The following ABCC3 variants were observed in gnomAD, a reference collection of about 807,000 sequenced individuals.
ABCC3 encodes the protein ATP binding cassette subfamily C member 3.
A neutral mutation model predicts 165.3 loss-of-function variants in ABCC3; 121 were observed. The observed-to-expected ratio is 0.73, with a 90% CI of 0.63 to 0.85. The LOEUF (loss-of-function observed/expected upper bound fraction) is 0.85. Ranked by LOEUF, ABCC3 falls within the 40% of genes least tolerant of loss-of-function variation. The pLI, the probability that ABCC3 is intolerant of heterozygous loss-of-function variation, is 0.00. For synonymous variants in ABCC3, 733 were observed against 810.1 expected, an observed-to-expected ratio of 0.90 and a Z score of 1.62; for missense variants, 1,869 against 1,964.1, an observed-to-expected ratio of 0.95 and a Z score of 0.92.
At chr17:50,690,989 C>A in intron 30 of ABCC3, 103 bp from the exon 31 acceptor site, 1 of 824,380 alleles carries the variant, frequency 1.2e-6, no homozygotes, top group Non-Finnish European at 2.0e-6. Context: ...GGTGGGTTGG[C>A]ATGTCACTGT....
intron 22 of ABCC3, 61 bp from the exon 23 acceptor site, chr17:50,676,217 C>T (rs1967802634): frequency 6.3e-7 from 1 of 1,588,424 alleles, no homozygotes; most frequent in Admixed American, 1.7e-5. Flanking sequence ...GTCTCTGATT[C>T]TGCCCCTTTG....
intron 1 of ABCC3, chr17:50,635,808 A>G (rs2054174269): frequency 1.7e-6 from 1 of 572,104 alleles, no homozygotes. Context: ...ACTTCAGCCC[A>G]GGAGTTTTAG....
chr17:50,636,899 G>T (rs1402094215), intron 1 of ABCC3, among the ~76,000 whole-genome samples: 1 of 151,136 alleles, frequency 6.6e-6, no homozygotes, highest in Non-Finnish European at 1.5e-5. Flanking sequence ...TGGGGAAACT[G>T]AGGCCAAGGG....
rs1193468870 is a variant in ABCC3 at position 50,662,240 on chromosome 17, C to T, written c.998+1126C>T. The T allele has an allele frequency of 1.3e-5, 2 of 152,080 alleles. 1 individual carries two copies. The highest frequency in any genetic ancestry group is 6.8e-3 in the Middle Eastern group (2 of 296). The allele number at this position is 152,080 out of a possible 1,614,324, so 9.4% of individuals were successfully genotyped here. A position where few individuals can be genotyped will look rare whatever the true frequency, so the allele number is the denominator to read the frequency against. ...GCCAGAGAGACAGAGGAGTGCCAGG[C>T]AACCTGGGTGCTGGCCTGGGTAACT... On this transcript the variant is annotated intron_variant, in intron 8 of 30. Transcript: ENST00000285238.
intron 26 of ABCC3, 96 bp from the exon 27 acceptor site, chr17:50,683,514 T>G: frequency 3.0e-6 from 4 of 1,345,686 alleles, no homozygotes; most frequent in Non-Finnish European, 3.9e-6. Flanking sequence ...GGGACCATAG[T>G]TGGGGAGGAT....
chr17:50,664,165 G>A (rs181003060), intron 10 of ABCC3, 54 bp downstream of exon 10: 15 of 1,601,496 alleles, frequency 9.4e-6, no homozygotes, highest in African/African-American at 1.3e-5. Context: ...TGCAGAAGTG[G>A]CAAGAGAGGA....
chr17:50,636,658 G>A (rs2054183376), intron 1 of ABCC3, among the ~76,000 whole-genome samples: 1 of 152,232 alleles, frequency 6.6e-6, no homozygotes, highest in African/African-American at 2.4e-5. Context: ...GGGTAGTTGT[G>A]CCCAAGCTTC....
Position 50,684,890 on chromosome 17 carries a change from T to C in ABCC3, c.4280+15T>C. On this transcript the variant is annotated intron_variant, in intron 29 of 30. Coordinates refer to ENST00000285238, the MANE Select transcript of ABCC3 (RefSeq NM_003786.4). ...GAGAATCTCAGGTAAACACTGGGAG[T>C]GCAGAGGTCAGGAACTGCAACCCTC... is the stretch of plus-strand genomic sequence containing the variant. 1 of 1,612,086 alleles carries C rather than the reference T, an allele frequency of 6.2e-7. No homozygotes were observed. Among genetic ancestry groups the C allele is most frequent in the Non-Finnish European group, 8.5e-7 (1 of 1,179,162 alleles).
rs148890500 is a variant in ABCC3 at position 50,635,963 on chromosome 17, T to C, written c.45+982T>C. 152 of 196,758 alleles carry C rather than the reference T, an allele frequency of 7.7e-4. 1 individual carries two copies. Among genetic ancestry groups the C allele is most frequent in the African/African-American group, 3.1e-3 (135 of 43,564 alleles). The allele number at this position is 196,758 out of a possible 1,614,324, so 12.2% of individuals were successfully genotyped here. ...AATCTCTTTCTAAGACAGGCTGCTC[T>C]TCAGCCTGCTGACTCCAGCCTCCAG... On this transcript the variant is annotated intron_variant, in intron 1 of 30. Transcript: ENST00000285238.
chr17:50,655,991 C>G lies in ABCC3; in HGVS notation c.205C>G (p.Leu69Val), dbSNP rs148804178. 2.0e-5 allele frequency: 33 copies of G among 1,613,922 alleles called. No homozygotes were observed. In the African/African-American group the frequency reaches 2.8e-4, roughly 14 times the overall value. Reference protein sequence around the residue: ...HCRGYIILSHLSKLKMVLGVL... With the variant: ...HCRGYIILSHVSKLKMVLGVL... ...TCGTGGCTACATCATCCTCTCCCAC[C>G]TGTCCAAGCTCAAGATGGTCAGTGG... Residue 69 changes from leucine to valine, a missense_variant, in exon 2 of 31, where the codon CTG (leucine) becomes GTG (valine). By Grantham distance (32) the Leu-to-Val change is conservative. Transcript: ENST00000285238.
At chr17:50,687,014 CAA>C (rs1274156570) in intron 29 of ABCC3, among the ~76,000 whole-genome samples, 3 of 152,110 alleles carry the variant, frequency 2.0e-5, no homozygotes, top group African/African-American at 7.2e-5. Context: ...TGACCAGACA[CAA>C]AGAGTCCCCG....
At chr17:50,658,614 C>A in intron 6 of ABCC3, 118 bp downstream of exon 6, 1 of 1,108,790 alleles carries the variant, frequency 9.0e-7, no homozygotes, top group Non-Finnish European at 1.4e-6. Context: ...CCACCCCCCA[C>A]CGCAGTGGGC....
chr17:50,683,658 C>G lies in ABCC3; in HGVS notation c.3856C>G (p.Arg1286Gly), dbSNP rs11568593. The G allele has an allele frequency of 3.3e-4, 528 of 1,601,534 alleles. 2 individuals carry two copies. The African/African-American group carries it at 6.3e-3, about 19-fold the overall frequency. The change falls in exon 27 of 31, where the codon CGT becomes GGT. Residue 1286 changes from arginine (R) to glycine (G), a missense_variant. Physicochemically the swap from Arg to Gly is moderately radical, Grantham distance 125 (BLOSUM62 -2). Coordinates refer to ENST00000285238, the MANE Select transcript of ABCC3 (RefSeq NM_003786.4). Reference protein sequence around the residue: ...GSRPPEGWPPRGEVEFRNYSV... With the variant: ...GSRPPEGWPPGGEVEFRNYSV... ...CCGCCCTCCCGAAGGTTGGCCCCCACGTGGGGAGGTGGAGTTCCGGAATTA... is the reference window on the plus strand; with the variant it reads ...CCGCCCTCCCGAAGGTTGGCCCCCAGGTGGGGAGGTGGAGTTCCGGAATTA...
At position 50,658,189 on chromosome 17, in the gene ABCC3, C is replaced by T. The variant is rs551439576; in HGVS notation, c.594C>T (p.Ser198=). The T allele has an allele frequency of 3.7e-4, 601 of 1,614,206 alleles. 8 individuals carry two copies. In the South Asian group the frequency reaches 4.7e-3, roughly 13 times the overall value. Residue 198 remains serine, a synonymous_variant, in exon 5 of 31, where the codon TCC becomes TCT. Coordinates refer to ENST00000285238, the MANE Select transcript of ABCC3 (RefSeq NM_003786.4). ...ACFREKPPFF[S]AKNVDPNPYP... Reference sequence around the variant, plus strand: ...TCAGGGAGAAACCTCCATTTTTCTCCGCAAAGAATGTCGACCCTGTGAGTT... The same window carrying T: ...TCAGGGAGAAACCTCCATTTTTCTCTGCAAAGAATGTCGACCCTGTGAGTT...
At chr17:50,641,993 GGA>G (rs1567823965) in intron 1 of ABCC3, among the ~76,000 whole-genome samples, 2 of 149,486 alleles carry the variant, frequency 1.3e-5, no homozygotes, top group Admixed American at 6.6e-5. Flanking sequence ...ATTACAGTGG[GGA>G]AAAAAAAAAA....
intron 8 of ABCC3, among the ~76,000 whole-genome samples, chr17:50,662,580 G>A (rs1426187988): frequency 2.0e-5 from 3 of 150,552 alleles, no homozygotes; most frequent in Non-Finnish European, 2.9e-5. Flanking sequence ...TGAGGCTGCC[G>A]TGAGCTGTGA....
At chr17:50,665,354 G>A in intron 11 of ABCC3, 109 bp downstream of exon 11, 6 of 905,044 alleles carry the variant, frequency 6.6e-6, no homozygotes, top group Non-Finnish European at 1.1e-5. Context: ...TCCTGAGTAT[G>A]GATGGCTACT....
intron 1 of ABCC3, among the ~76,000 whole-genome samples, chr17:50,644,290 G>A (rs1966954395): frequency 8.2e-6 from 1 of 121,646 alleles, no homozygotes; most frequent in African/African-American, 3.2e-5. Context: ...CAGCCTGGGT[G>A]ACAGAGCCAG....
At chr17:50,661,258 C>T (rs2146611657) in intron 8 of ABCC3, 144 bp downstream of exon 8, 2 of 858,878 alleles carry the variant, frequency 2.3e-6, no homozygotes, top group East Asian at 5.5e-5. Flanking sequence ...TGACCTTTGG[C>T]AAGTGGCATT....
Sources: gnomAD v4.1 joint callset for allele counts (sites outside exome capture counted in the v4.1 genomes callset) on GRCh38, gnomAD v4.1.1 for gene constraint, MANE v1.5 for transcripts, NCBI Gene and HGNC (gene_info 2026-07-23, HGNC 2026-07-21) for gene names.